The following SLC10A7 variants were observed in gnomAD, a reference collection of about 807,000 sequenced individuals.
SLC10A7 encodes the protein solute carrier family 10 member 7.
SLC10A7 carries 29 observed loss-of-function variants against 43.2 expected under a neutral mutation model. The ratio of observed to expected loss-of-function variants is 0.67; its 90% CI spans 0.50 to 0.92. The LOEUF (loss-of-function observed/expected upper bound fraction) is 0.92, where lower values mean the gene tolerates loss of function less well. SLC10A7 is among the 40% of genes least tolerant of loss of function. The pLI, the probability that SLC10A7 is intolerant of heterozygous loss-of-function variation, is 0.00. For missense variants in SLC10A7, 295 were observed against 403.2 expected (o/e 0.73, Z 2.30); for synonymous variants, 152 against 144.8 (o/e 1.05, Z -0.35).
intron 5 of SLC10A7, among the ~76,000 whole-genome samples, chr4:146,422,470 A>G (rs1729031682): frequency 6.6e-6 from 1 of 152,170 alleles, no homozygotes; most frequent in South Asian, 2.1e-4. Flanking sequence ...AGAAGTAAAG[A>G]TTAATATTTA....
chr4:146,408,393 A>T (rs1727890211), intron 5 of SLC10A7, among the ~76,000 whole-genome samples: 1 of 152,104 alleles, frequency 6.6e-6, no homozygotes. Context: ...CTACTAAAAT[A>T]CAAAAAATTA....
At chr4:146,438,841 C>G (rs1274983445) in intron 5 of SLC10A7, among the ~76,000 whole-genome samples, 1 of 151,782 alleles carries the variant, frequency 6.6e-6, no homozygotes, top group Non-Finnish European at 1.5e-5. Flanking sequence ...TAGAATTTTC[C>G]CAAAAGATGT....
intron 5 of SLC10A7, among the ~76,000 whole-genome samples, chr4:146,350,466 C>T (rs1052710001): frequency 2.0e-4 from 28 of 141,376 alleles, no homozygotes; most frequent in East Asian, 4.1e-4. Flanking sequence ...GGGGCGCCCG[C>T]CATTGCCCAG....
At chr4:146,472,458 T>A (rs1268975056) in intron 4 of SLC10A7, among the ~76,000 whole-genome samples, 1 of 151,744 alleles carries the variant, frequency 6.6e-6, no homozygotes, top group Non-Finnish European at 1.5e-5. Flanking sequence ...TTTTTTTCCT[T>A]TCAAGCCCCT....
intron 4 of SLC10A7, among the ~76,000 whole-genome samples, chr4:146,490,088 TAG>T (rs1293258712): frequency 1.3e-5 from 2 of 152,206 alleles, no homozygotes; most frequent in Non-Finnish European, 2.9e-5. Context: ...TCTCTCTTTA[TAG>T]ACTAACTGGG....
At position 146,292,986 on chromosome 4, in the gene SLC10A7, GA is replaced by G. The variant is rs555266661; in HGVS notation, c.722-7del. On this transcript the variant is annotated splice_region_variant and splice_polypyrimidine_tract_variant and intron_variant, in intron 8 of 11. Coordinates refer to ENST00000335472, the MANE Select transcript of SLC10A7 (RefSeq NM_001029998.6). Reference sequence around the variant, plus strand: ...ACTCAGCTGGATAGAAAATACTGAAGAAAAAAAGATTGAATCTAAATTAGCA... The same window carrying G: ...ACTCAGCTGGATAGAAAATACTGAAGAAAAAAGATTGAATCTAAATTAGCA... 335 of 1,554,926 alleles carry G rather than the reference GA, an allele frequency of 2.2e-4. No individual in the cohort carries two copies. In the East Asian group the frequency reaches 2.7e-3, roughly 12 times the overall value.
chr4:146,361,435 G>A (rs536928428), intron 5 of SLC10A7, among the ~76,000 whole-genome samples: 1 of 152,116 alleles, frequency 6.6e-6, no homozygotes, highest in East Asian at 1.9e-4. Flanking sequence ...GACTTGCCTG[G>A]TAATCCAGGA....
intron 5 of SLC10A7, among the ~76,000 whole-genome samples, chr4:146,413,372 G>A (rs150174012): frequency 1.1e-4 from 17 of 152,114 alleles, no homozygotes; most frequent in African/African-American, 3.9e-4. Flanking sequence ...TTTACATTCT[G>A]TCATATAATA....
intron 5 of SLC10A7, among the ~76,000 whole-genome samples, chr4:146,439,758 C>T (rs1038850620): frequency 1.3e-5 from 2 of 152,108 alleles, no homozygotes; most frequent in Admixed American, 1.3e-4. Context: ...AGTAGTCAGT[C>T]AAGTAAGAAT....
chr4:146,480,761 G>A (rs895421156), intron 4 of SLC10A7, among the ~76,000 whole-genome samples: 11 of 152,020 alleles, frequency 7.2e-5, no homozygotes, highest in African/African-American at 2.2e-4. Context: ...TAAAGATGAA[G>A]TTGAGGTCGA....
chr4:146,277,172 G>A (rs1265877011), intron 10 of SLC10A7, among the ~76,000 whole-genome samples: 1 of 152,288 alleles, frequency 6.6e-6, no homozygotes, highest in East Asian at 1.9e-4. Context: ...CGTGGAGGAA[G>A]AAGAGGAGGA....
At chr4:146,390,594 C>T (rs1360976853) in intron 5 of SLC10A7, among the ~76,000 whole-genome samples, 1 of 152,064 alleles carries the variant, frequency 6.6e-6, no homozygotes, top group Non-Finnish European at 1.5e-5. Context: ...CATGTTTAAG[C>T]CACTGCACTC....
intron 4 of SLC10A7, among the ~76,000 whole-genome samples, chr4:146,458,895 A>G (rs1732301539): frequency 6.6e-6 from 1 of 151,858 alleles, no homozygotes; most frequent in Non-Finnish European, 1.5e-5. Flanking sequence ...ACTGAAAGAA[A>G]AAGAAAGAAA....
intron 4 of SLC10A7, among the ~76,000 whole-genome samples, chr4:146,466,128 T>C (rs1454379909): frequency 2.0e-5 from 3 of 152,194 alleles, no homozygotes; most frequent in Non-Finnish European, 4.4e-5. Flanking sequence ...CTTAATTAAA[T>C]TCAGTGTGAA....
chr4:146,497,133 T>C (rs892798085), intron 4 of SLC10A7, among the ~76,000 whole-genome samples: 15 of 152,220 alleles, frequency 9.9e-5, no homozygotes. Context: ...GGATATGATA[T>C]AAAGAATTTA....
chr4:146,450,767 A>C (rs1731511960), intron 4 of SLC10A7, among the ~76,000 whole-genome samples: 1 of 152,208 alleles, frequency 6.6e-6, no homozygotes, highest in Non-Finnish European at 1.5e-5. Context: ...CTAACAATTT[A>C]TTTAAAGAAA....
chr4:146,268,944 A>G (rs1728732494), intron 10 of SLC10A7, among the ~76,000 whole-genome samples: 1 of 152,206 alleles, frequency 6.6e-6, no homozygotes, highest in Non-Finnish European at 1.5e-5. Flanking sequence ...TACACAGAAA[A>G]GTCTGAAAGC....
chr4:146,399,204 C>T (rs1313261844), intron 5 of SLC10A7, among the ~76,000 whole-genome samples: 1 of 152,066 alleles, frequency 6.6e-6, no homozygotes, highest in African/African-American at 2.4e-5. Context: ...GAGGAGAAAA[C>T]AGGCTTGAAA....
chr4:146,498,906 T>G (rs949756440), intron 4 of SLC10A7, among the ~76,000 whole-genome samples: 2 of 152,162 alleles, frequency 1.3e-5, no homozygotes, highest in Non-Finnish European at 2.9e-5. Flanking sequence ...ACCAACAATT[T>G]TACTGAAAAT....
Sources: gnomAD v4.1 joint callset for allele counts (sites outside exome capture counted in the v4.1 genomes callset) on GRCh38, gnomAD v4.1.1 for gene constraint, MANE v1.5 for transcripts, NCBI Gene and HGNC (gene_info 2026-07-23, HGNC 2026-07-21) for gene names.